The following CACHD1 variants were observed in gnomAD, a reference collection of about 807,000 sequenced individuals.
CACHD1 encodes the protein VWFA and cache domain-containing protein 1.
CACHD1 carries 71 observed loss-of-function variants against 138.7 expected under a neutral mutation model. The observed-to-expected ratio is 0.51, with a 90% CI of 0.42 to 0.62. CACHD1 has a LOEUF of 0.62. CACHD1 is among the 20% of genes least tolerant of loss of function. The pLI, the probability that CACHD1 is intolerant of heterozygous loss-of-function variation, is 0.00. For synonymous variants in CACHD1, 578 were observed against 591.5 expected (o/e 0.98, Z 0.33); for missense variants, 1,389 against 1,625.3 (o/e 0.85, Z 2.50).
intron 1 of CACHD1, among the ~76,000 whole-genome samples, chr1:64,485,549 CTAAT>C (rs1177355055): frequency 6.6e-6 from 1 of 152,030 alleles, no homozygotes; most frequent in African/African-American, 2.4e-5. Flanking sequence ...TACCCATTCA[CTAAT>C]TAAAGAACAT....
chr1:64,515,523 AT>A (rs1646452376), intron 1 of CACHD1, among the ~76,000 whole-genome samples: 1 of 152,116 alleles, frequency 6.6e-6, no homozygotes, highest in African/African-American at 2.4e-5. Context: ...ATCTCAAAGC[AT>A]TTTTTCCCTT....
chr1:64,547,556 G>A (rs1341781360), intron 1 of CACHD1, among the ~76,000 whole-genome samples: 2 of 152,062 alleles, frequency 1.3e-5, no homozygotes, highest in Non-Finnish European at 2.9e-5. Context: ...TAATAGAAAC[G>A]GGGTTTCACC....
At chr1:64,684,222 C>T (rs772661998) in intron 26 of CACHD1, among the ~76,000 whole-genome samples, 1 of 152,058 alleles carries the variant, frequency 6.6e-6, no homozygotes, top group African/African-American at 2.4e-5. Flanking sequence ...TGCAAAGGTG[C>T]GATCTCAGCT....
In CACHD1 at chr1:64,629,351, C is replaced by G. The variant is rs192725293; in HGVS notation, c.518-4C>G. The G allele has an allele frequency of 1.9e-6, 3 of 1,613,840 alleles. No homozygotes were observed. Among genetic ancestry groups the G allele is most frequent in the East Asian group, 4.5e-5 (2 of 44,866 alleles). Reference sequence around the variant, plus strand: ...GTTATATTTCATTTTCCTTACACCTCTAGTTCTTGCAGACAACCTGAAATC... The same window carrying G: ...GTTATATTTCATTTTCCTTACACCTGTAGTTCTTGCAGACAACCTGAAATC... On this transcript the variant is annotated splice_polypyrimidine_tract_variant and splice_region_variant and intron_variant, in intron 4 of 26. Coordinates refer to ENST00000651257, the MANE Select transcript of CACHD1 (RefSeq NM_020925.4).
At chr1:64,484,914 C>T (rs530437498) in intron 1 of CACHD1, among the ~76,000 whole-genome samples, 61 of 152,344 alleles carry the variant, frequency 4.0e-4, no homozygotes, top group Non-Finnish European at 6.3e-4. Flanking sequence ...CTTTTGGCTA[C>T]TGTGAATAAT....
Position 64,470,132 on chromosome 1 carries a change from C to A in CACHD1, c.-613C>A, listed in dbSNP as rs866346649. Among the ~76,000 whole-genome samples the A allele has an allele frequency of 5.3e-5, 8 of 151,956 alleles. No individual in the cohort carries two copies. The highest frequency in any genetic ancestry group is 1.0e-4 in the Non-Finnish European group (7 of 67,964). On this transcript the variant is annotated 5_prime_UTR_variant, in exon 1 of 27. Coordinates refer to ENST00000651257, the MANE Select transcript of CACHD1 (RefSeq NM_020925.4). This position sits in a 1 kb window ranked among gnomAD's most constrained non-coding sequence, Gnocchi z 5.2. ...ACCGCAGCCGCCGCGGCGGCCCAGC[C>A]GGGAAGTGCACAGAGCCGGAGCGCA...
chr1:64,523,156 C>T (rs569540541), intron 1 of CACHD1, among the ~76,000 whole-genome samples: 5 of 152,206 alleles, frequency 3.3e-5, no homozygotes, highest in East Asian at 3.9e-4. Context: ...TACAAAGAGT[C>T]CTTATCTTTC....
intron 16 of CACHD1, among the ~76,000 whole-genome samples, chr1:64,669,802 T>C (rs932151455): frequency 1.1e-4 from 16 of 152,210 alleles, no homozygotes; most frequent in African/African-American, 3.6e-4. Context: ...ATACGTGCTG[T>C]TGCTTTAGCA....
At chr1:64,482,138 G>T (rs1331900343) in intron 1 of CACHD1, among the ~76,000 whole-genome samples, 1 of 152,146 alleles carries the variant, frequency 6.6e-6, no homozygotes, top group African/African-American at 2.4e-5. Flanking sequence ...TATTTTAAGA[G>T]TTTTTCTGTG....
chr1:64,658,951 A>C (rs1649353137), intron 13 of CACHD1, 78 bp downstream of exon 13: 1 of 1,239,464 alleles, frequency 8.1e-7, no homozygotes, highest in Non-Finnish European at 1.1e-6. Context: ...CATCCACCCC[A>C]CCCCTCCAAA....
chr1:64,675,865 T>C (rs1329212456), intron 20 of CACHD1, 32 bp from the exon 21 acceptor site: 7 of 1,395,744 alleles, frequency 5.0e-6, no homozygotes, highest in Admixed American at 4.5e-5. Context: ...GCCATTGACC[T>C]TCTGCATAGT....
intron 1 of CACHD1, among the ~76,000 whole-genome samples, chr1:64,548,996 G>A (rs1646739043): frequency 6.6e-6 from 1 of 152,174 alleles, no homozygotes; most frequent in African/African-American, 2.4e-5. Context: ...CCTGGGTTCA[G>A]ATTCCAGCCT....
intron 1 of CACHD1, among the ~76,000 whole-genome samples, chr1:64,508,690 GC>G (rs1007739253): frequency 3.9e-5 from 6 of 152,146 alleles, no homozygotes; most frequent in Admixed American, 3.9e-4. Context: ...CTCTCACTAA[GC>G]CTGAGAGTGA....
At chr1:64,583,450 G>T (rs1224040539) in intron 3 of CACHD1, among the ~76,000 whole-genome samples, 1 of 152,098 alleles carries the variant, frequency 6.6e-6, no homozygotes, top group Non-Finnish European at 1.5e-5. Flanking sequence ...TTTATTTCTG[G>T]AATGAGAACA....
intron 4 of CACHD1, among the ~76,000 whole-genome samples, chr1:64,603,157 T>G (rs540632599): frequency 7.6e-4 from 105 of 137,850 alleles, no homozygotes; most frequent in Admixed American, 2.4e-3. Flanking sequence ...CAGGCTGGAG[T>G]GCAGTGCCGC....
chr1:64,663,614 G>A (rs574526670), intron 13 of CACHD1, 81 bp from the exon 14 acceptor site: 267 of 1,538,150 alleles, frequency 1.7e-4, no homozygotes, highest in Non-Finnish European at 2.2e-4. Context: ...TGACAGATTG[G>A]CAGAGCCCGA....
chr1:64,668,292 A>G (rs1328456218), intron 16 of CACHD1, among the ~76,000 whole-genome samples: 2 of 149,994 alleles, frequency 1.3e-5, no homozygotes, highest in African/African-American at 4.9e-5. Flanking sequence ...GTACCACTGC[A>G]CTCCAGCCTG....
intron 7 of CACHD1, among the ~76,000 whole-genome samples, chr1:64,637,006 T>C (rs2100650787): frequency 6.6e-6 from 1 of 152,304 alleles, no homozygotes; most frequent in African/African-American, 2.4e-5. Context: ...GCCAATATTA[T>C]GGGGTGGCTG....
chr1:64,583,519 T>C (rs1323078428), intron 3 of CACHD1, among the ~76,000 whole-genome samples: 1 of 152,252 alleles, frequency 6.6e-6, no homozygotes, highest in African/African-American at 2.4e-5. Flanking sequence ...GAAAGTAGTT[T>C]GTAAACTGTA....
Sources: gnomAD v4.1 joint callset for allele counts (sites outside exome capture counted in the v4.1 genomes callset) on GRCh38, gnomAD v4.1.1 for gene constraint, Gnocchi (gnomAD v3.1) non-coding constraint, MANE v1.5 for transcripts, NCBI Gene and HGNC (gene_info 2026-07-23, HGNC 2026-07-21) for gene names.